Variants in MRPL14 observed in about 807,000 individuals in gnomAD.
MRPL14 encodes mitochondrial ribosomal protein L14.
Under a neutral mutation model 10.9 loss-of-function variants are expected in MRPL14, and 8 were observed. The observed-to-expected ratio is 0.74, with a 90% confidence interval of 0.43 to 1.33. The LOEUF (loss-of-function observed/expected upper bound fraction) is 1.33, where lower values mean the gene tolerates loss of function less well. Among genes scored for constraint, MRPL14 ranks in the 40% most tolerant of loss-of-function variants. The pLI is 0.01. For synonymous variants in MRPL14, 82 were observed against 74.1 expected, an observed-to-expected ratio of 1.11 and a Z score of -0.54; for missense variants, 179 against 194.5, an observed-to-expected ratio of 0.92 and a Z score of 0.47.
intron 1 of MRPL14, among the ~76,000 whole-genome samples, chr6:44,121,948 AAAAAG>A (rs1776471358): frequency 6.6e-6 from 1 of 152,020 alleles, no homozygotes; most frequent in African/African-American, 2.4e-5. Flanking sequence ...AAAAAAAAAA[AAAAAG>A]AACTGATTTA....
intron 1 of MRPL14, among the ~76,000 whole-genome samples, chr6:44,125,154 T>C (rs1776825525): frequency 6.6e-6 from 1 of 152,138 alleles, no homozygotes; most frequent in African/African-American, 2.4e-5. Context: ...AATAAAATAT[T>C]TTGGCCACTG....
intron 1 of MRPL14, among the ~76,000 whole-genome samples, chr6:44,118,217 G>C (rs925491083): frequency 3.9e-5 from 6 of 152,174 alleles, no homozygotes; most frequent in Non-Finnish European, 8.8e-5. Flanking sequence ...CCCTGGACAA[G>C]TAACCAAACT....
intron 1 of MRPL14, among the ~76,000 whole-genome samples, chr6:44,117,411 C>G (rs12525114): frequency 6.6e-6 from 1 of 152,208 alleles, no homozygotes; most frequent in Admixed American, 6.5e-5. Flanking sequence ...CCTGAAACAC[C>G]TGAACATCAC....
At chr6:44,126,700 G>T (rs146661802) in intron 1 of MRPL14, among the ~76,000 whole-genome samples, 3 of 152,352 alleles carry the variant, frequency 2.0e-5, no homozygotes, top group African/African-American at 7.2e-5. Context: ...CCAGGAACCA[G>T]AAATTAAATG....
chr6:44,116,477 T>A, intron 2 of MRPL14, 64 bp downstream of exon 2: 1 of 1,518,654 alleles, frequency 6.6e-7, no homozygotes. Context: ...GTCACCGTAA[T>A]ACCCAGCCCT....
chr6:44,116,435 G>A, intron 2 of MRPL14, 106 bp downstream of exon 2: 1 of 1,149,400 alleles, frequency 8.7e-7, no homozygotes, highest in Non-Finnish European at 1.3e-6. Flanking sequence ...CCAACCCCAT[G>A]CCCACCTCCC....
chr6:44,114,174 G>A lies in MRPL14; in HGVS notation c.107C>T (p.Thr36Met), dbSNP rs1159522619. ...ACTGTTGTCCACCACTCGTACCCGC[G>A]TCATCTTCTGAATCGCACTCAGACT... ...TGSLSAIQKM[T>M]RVRVVDNSAL... Residue 36 changes from threonine to methionine, a missense_variant, in exon 3 of 3, where the codon ACG (threonine) becomes ATG (methionine). Transcript: ENST00000372014. 6.8e-6 allele frequency: 11 copies of A among 1,612,752 alleles called. No homozygotes were observed. The highest frequency in any genetic ancestry group is 4.5e-5 in the East Asian group (2 of 44,860).
intron 1 of MRPL14, among the ~76,000 whole-genome samples, chr6:44,118,692 C>G (rs541232082): frequency 9.9e-5 from 15 of 152,266 alleles, no homozygotes; most frequent in Admixed American, 7.2e-4. Flanking sequence ...TGGCCGGGCA[C>G]GGTGGCTCAC....
chr6:44,113,600 T>C lies in MRPL14; in HGVS notation c.*243A>G, dbSNP rs1029457369. On this transcript the variant is annotated 3_prime_UTR_variant, in exon 3 of 3. Coordinates refer to ENST00000372014, the MANE Select transcript of MRPL14 (RefSeq NM_032111.4). ...CACCAAGGCTGCTCCATGTAAAGAA[T>C]GCTACCCCGTGTGGCCAGACTCGGG... The C allele has an allele frequency of 1.3e-5, 5 of 397,062 alleles. No individual in the cohort carries two copies. Among genetic ancestry groups the C allele is most frequent in the Non-Finnish European group, 2.2e-5 (5 of 225,712 alleles). 24.6% of individuals were successfully genotyped at this position (397,062 alleles called of 1,614,324 possible).
chr6:44,124,973 G>C (rs952678374), intron 1 of MRPL14, among the ~76,000 whole-genome samples: 3 of 152,180 alleles, frequency 2.0e-5, no homozygotes, highest in African/African-American at 7.2e-5. Flanking sequence ...CATAAATGGA[G>C]CAAAATAGGT....
chr6:44,116,244 G>A (rs1775835178), intron 2 of MRPL14, among the ~76,000 whole-genome samples: 1 of 152,140 alleles, frequency 6.6e-6, no homozygotes, highest in South Asian at 2.1e-4. Context: ...ATGCTCTAGG[G>A]GAATGATAGG....
intron 1 of MRPL14, among the ~76,000 whole-genome samples, chr6:44,122,831 T>C (rs1479166277): frequency 6.6e-6 from 1 of 152,228 alleles, no homozygotes; most frequent in African/African-American, 2.4e-5. Context: ...CTGGCAGCTC[T>C]AATAAATCAA....
chr6:44,118,863 C>G (rs1219464276), intron 1 of MRPL14, among the ~76,000 whole-genome samples: 1 of 152,174 alleles, frequency 6.6e-6, no homozygotes, highest in Non-Finnish European at 1.5e-5. Flanking sequence ...ACTCAGGAAG[C>G]TGAGGCAGGA....
At chr6:44,114,233 C>G in intron 2 of MRPL14, 24 bp from the exon 3 acceptor site, 1 of 1,593,604 alleles carries the variant, frequency 6.3e-7, no homozygotes, top group Non-Finnish European at 8.6e-7. Context: ...AAAAAAAAGT[C>G]TGCAGTCTGT....
intron 1 of MRPL14, among the ~76,000 whole-genome samples, chr6:44,118,600 T>C (rs919873300): frequency 1.3e-5 from 2 of 152,240 alleles, no homozygotes; most frequent in Non-Finnish European, 2.9e-5. Flanking sequence ...TCTGTTTCTT[T>C]ATTTATGAAC....
At chr6:44,123,282 G>A (rs973212943) in intron 1 of MRPL14, among the ~76,000 whole-genome samples, 2 of 152,214 alleles carry the variant, frequency 1.3e-5, no homozygotes, top group African/African-American at 4.8e-5. Context: ...CCAGACCAGA[G>A]CCCAAGGCTG....
intron 1 of MRPL14, among the ~76,000 whole-genome samples, chr6:44,122,576 C>T (rs577687962): frequency 6.6e-6 from 1 of 152,086 alleles, no homozygotes; most frequent in African/African-American, 2.4e-5. Flanking sequence ...GGTGCCTGGC[C>T]GGTTACATTT....
rs534898262 is a variant in MRPL14, at chr6:44,125,797, C to A, written c.-19+1547G>T. Among the ~76,000 whole-genome samples the A allele has an allele frequency of 4.0e-5, 6 of 151,848 alleles. No homozygotes were observed. In the East Asian group the frequency reaches 1.2e-3, roughly 29 times the overall value. On this transcript the variant is annotated intron_variant, in intron 1 of 2. Coordinates refer to ENST00000372014, the MANE Select transcript of MRPL14 (RefSeq NM_032111.4). The stretch of plus-strand genomic sequence containing the variant: ...TCAAAGTGAATTTTATTGTTCCACA[C>A]AAGCAACAGATTACACCAATTTCAC...
intron 2 of MRPL14, among the ~76,000 whole-genome samples, chr6:44,114,856 G>A (rs374043645): frequency 1.3e-5 from 2 of 152,096 alleles, no homozygotes; most frequent in South Asian, 2.1e-4. Flanking sequence ...TGATCCGCCC[G>A]CCTCGGCCTC....
Sources: allele counts gnomAD v4.1 joint callset (sites outside exome capture counted in the v4.1 genomes callset), GRCh38; gene constraint gnomAD v4.1.1; transcripts MANE v1.5; gene names NCBI Gene and HGNC (gene_info 2026-07-23, HGNC 2026-07-21).